The following CCPG1 variants were observed in gnomAD, a reference collection of about 807,000 sequenced individuals.
The protein encoded by CCPG1 is cell cycle progression protein 1.
Under a neutral mutation model 81.3 loss-of-function variants are expected in CCPG1, and 46 were observed. That is an observed-to-expected ratio of 0.57 (90% confidence interval 0.45 to 0.72). The LOEUF (loss-of-function observed/expected upper bound fraction) is 0.72. Among genes scored for constraint, CCPG1 ranks in the 30% least tolerant of loss-of-function variants. CCPG1 has a pLI of 0.00. For synonymous variants in CCPG1, 330 were observed against 305.2 expected (o/e 1.08, Z -0.85); for missense variants, 902 against 937.6 (o/e 0.96, Z 0.50).
At chr15:55,368,478 T>C (rs913217974) in intron 6 of CCPG1, among the ~76,000 whole-genome samples, 6 of 152,174 alleles carry the variant, frequency 3.9e-5, no homozygotes. Context: ...ACTTAGCATC[T>C]AGATATCTTG....
intron 1 of CCPG1, among the ~76,000 whole-genome samples, chr15:55,400,679 C>G (rs972008574): frequency 2.0e-5 from 3 of 152,176 alleles, no homozygotes; most frequent in African/African-American, 7.2e-5. Context: ...ACAATCCCAC[C>G]AACAGAGTAA....
intron 3 of CCPG1, among the ~76,000 whole-genome samples, chr15:55,379,022 C>T (rs1356212288): frequency 6.6e-6 from 1 of 151,848 alleles, no homozygotes; most frequent in Non-Finnish European, 1.5e-5. Context: ...CATTAGATAC[C>T]TAGTGATACA....
At position 55,359,889 on chromosome 15, in the gene CCPG1, A is replaced by G. The variant is rs759615192; in HGVS notation, c.1884T>C (p.Ala628=). Residue 628 remains alanine, a synonymous_variant, in exon 8 of 9, where the codon GCT becomes GCC. Coordinates refer to ENST00000442196, the MANE Select transcript of CCPG1 (RefSeq NM_001204450.2). ...GAGCACAATCAAATACACCAGAACA[A>G]GCCTTTCTGAAAGAATGAGAATTTT... ...CRENSHSFRK[A]CSGVFDCAQQ... is the part of the protein sequence containing the mutation. 7 of 1,613,714 alleles carry G rather than the reference A, an allele frequency of 4.3e-6. No individual in the cohort carries two copies. The highest frequency in any genetic ancestry group is 5.9e-6 in the Non-Finnish European group (7 of 1,179,986).
chr15:55,394,551 G>A (rs1008992436), intron 1 of CCPG1, among the ~76,000 whole-genome samples: 22 of 152,012 alleles, frequency 1.4e-4, no homozygotes, highest in Non-Finnish European at 2.9e-5. Flanking sequence ...ACTGACTTGG[G>A]ACAACTTACC....
At position 55,371,968 on chromosome 15, in the gene CCPG1, T is replaced by G. The variant is rs769272807; in HGVS notation, c.531A>C (p.Arg177=). Reference sequence around the variant, plus strand: ...AAACGGTCTTCTTCCTAGCACGGCGTCGTCTAAAGGCAGGACTGGGCTGAT... The same window carrying G: ...AAACGGTCTTCTTCCTAGCACGGCGGCGTCTAAAGGCAGGACTGGGCTGAT... The part of the protein sequence containing the change: ...TSNQPSPAFR[R]RRARKKTVSA... The change falls in exon 6 of 9, where the codon CGA becomes CGC. Residue 177 remains arginine (R), a synonymous_variant. Coordinates refer to ENST00000442196, the MANE Select transcript of CCPG1 (RefSeq NM_001204450.2). 6.2e-7 allele frequency: 1 copy of G among 1,614,176 alleles called. No homozygotes were observed. Among genetic ancestry groups the G allele is most frequent in the South Asian group, 1.1e-5 (1 of 91,084 alleles).
chr15:55,360,591 C>T lies in CCPG1; in HGVS notation c.1182G>A (p.Thr394=), dbSNP rs1205546569. The change falls in exon 8 of 9, where the codon ACG becomes ACA. Residue 394 remains threonine, a synonymous_variant. Coordinates refer to ENST00000442196, the MANE Select transcript of CCPG1 (RefSeq NM_001204450.2). ...ACTGCTGGAGTTCCCCCCTTAAAGC[C>T]GTAGTTACTAGTCGTTCTCTCTCCA... ...RELERERLVT[T]ALRGELQQLS... is the part of the protein sequence containing the mutation. 11 of 1,614,084 alleles carry T rather than the reference C, an allele frequency of 6.8e-6. No individual in the cohort carries two copies. Among genetic ancestry groups the T allele is most frequent in the Middle Eastern group, 1.6e-4 (1 of 6,062 alleles).
At chr15:55,395,057 T>G (rs2056989536) in intron 1 of CCPG1, among the ~76,000 whole-genome samples, 1 of 152,138 alleles carries the variant, frequency 6.6e-6, no homozygotes, top group African/African-American at 2.4e-5. Flanking sequence ...CAGCACCCAA[T>G]TAAAGCCTTC....
intron 1 of CCPG1, among the ~76,000 whole-genome samples, chr15:55,406,940 CG>C (rs2057237896): frequency 6.6e-6 from 1 of 150,412 alleles, no homozygotes. Flanking sequence ...TTAACGCCCG[CG>C]CGGTGGGTCA....
At position 55,355,533 on chromosome 15, in the gene CCPG1, T is replaced by C. The variant is rs1335133884; in HGVS notation, c.*687A>G. The C allele has an allele frequency of 4.5e-6, 4 of 883,954 alleles. No homozygotes were observed. In the East Asian group the frequency reaches 9.9e-5, roughly 22 times the overall value. 54.8% of individuals were successfully genotyped at this position (883,954 alleles called of 1,614,324 possible). A position where few individuals can be genotyped will look rare whatever the true frequency, so the allele number is the denominator to read the frequency against. On this transcript the variant is annotated 3_prime_UTR_variant, in exon 9 of 9. Transcript: ENST00000442196. ...AGATTCATGGAACTTAGAAAAAAGC[T>C]GTATGAACTGCTTTACCAAATATCA... is the stretch of plus-strand genomic sequence containing the variant.
At chr15:55,387,596 G>A (rs1231902694) in intron 2 of CCPG1, among the ~76,000 whole-genome samples, 1 of 151,374 alleles carries the variant, frequency 6.6e-6, no homozygotes, top group South Asian at 2.1e-4. Flanking sequence ...CCAGGCTGGA[G>A]TGCAATGGCA....
At chr15:55,374,306 A>G (rs2056514381) in intron 5 of CCPG1, 8 of 867,514 alleles carry the variant, frequency 9.2e-6, no homozygotes, top group Admixed American at 3.0e-5. Context: ...AAAGACTAAA[A>G]AGAAAAAAAA....
intron 1 of CCPG1, among the ~76,000 whole-genome samples, 160 bp from the exon 2 acceptor site, chr15:55,389,593 A>G (rs1289475306): frequency 6.6e-6 from 1 of 152,228 alleles, no homozygotes; most frequent in Admixed American, 6.5e-5. Context: ...ACAGGACTGC[A>G]TACCTGTATG....
At chr15:55,395,939 A>T (rs896929576) in intron 1 of CCPG1, among the ~76,000 whole-genome samples, 1 of 152,200 alleles carries the variant, frequency 6.6e-6, no homozygotes, top group Middle Eastern at 3.4e-3. Context: ...GCAGATCAGG[A>T]GGTCAGGAGT....
At chr15:55,369,201 A>G (rs995292834) in intron 6 of CCPG1, among the ~76,000 whole-genome samples, 6 of 152,084 alleles carry the variant, frequency 3.9e-5, no homozygotes, top group African/African-American at 1.4e-4. Flanking sequence ...CGGCTCTGAA[A>G]TCAACTCCAA....
chr15:55,389,986 C>A (rs920936628), intron 1 of CCPG1, among the ~76,000 whole-genome samples: 10 of 152,220 alleles, frequency 6.6e-5, no homozygotes, highest in Non-Finnish European at 1.0e-4. Flanking sequence ...TGCGGTGGCA[C>A]GATCTCGACT....
intron 7 of CCPG1, 29 bp from the exon 8 acceptor site, chr15:55,360,973 A>C (rs943096550): frequency 6.7e-7 from 1 of 1,481,618 alleles, no homozygotes; most frequent in African/African-American, 1.4e-5. Flanking sequence ...GAGAAGAAAT[A>C]AAATGTCAAA....
At chr15:55,389,561 T>C (rs899725831) in intron 1 of CCPG1, 128 bp from the exon 2 acceptor site, 57 of 686,226 alleles carry the variant, frequency 8.3e-5, no homozygotes, top group African/African-American at 8.0e-4. Context: ...AAGCCACCCA[T>C]AGATTTACCA....
intron 8 of CCPG1, chr15:55,359,309 T>G (rs1451819936): frequency 2.5e-6 from 3 of 1,213,506 alleles, no homozygotes; most frequent in African/African-American, 3.1e-5. Flanking sequence ...AAGATAAAAA[T>G]TAAACCATTT....
rs187173323 is a variant in CCPG1, at chr15:55,398,696, C to G, written c.-9-9263G>C. On this transcript the variant is annotated intron_variant, in intron 1 of 8. Transcript: ENST00000442196. The stretch of plus-strand genomic sequence containing the variant: ...TTCCGGGTTCAAGAGATTCTCCTGC[C>G]TCAGCCTCCCAAGTAACTGGGATTA... Among the ~76,000 whole-genome samples, 632 of 152,126 alleles carry G rather than the reference C, an allele frequency of 4.2e-3. 7 individuals are homozygous for G. The highest frequency in any genetic ancestry group is 0.014 in the African/African-American group (587 of 41,498).
Sources: gnomAD v4.1 joint callset for allele counts (sites outside exome capture counted in the v4.1 genomes callset) on GRCh38, gnomAD v4.1.1 for gene constraint, MANE v1.5 for transcripts, NCBI Gene and HGNC (gene_info 2026-07-23, HGNC 2026-07-21) for gene names.